CLCN5: variants seen among roughly 807,000 people sequenced by gnomAD.
The protein encoded by CLCN5 is Cl-/H+ antiporter 5.
Under a neutral mutation model 54.0 loss-of-function variants are expected in CLCN5, and 17 were observed. The observed-to-expected ratio is 0.31, with a 90% CI of 0.22 to 0.47. The LOEUF is 0.47. Ranked by LOEUF, CLCN5 falls within the 20% of genes least tolerant of loss-of-function variation. CLCN5 has a pLI of 1.00. For missense variants in CLCN5, 448 were observed against 646.7 expected, an observed-to-expected ratio of 0.69 and a Z score of 3.33; for synonymous variants, 222 against 233.0, an observed-to-expected ratio of 0.95 and a Z score of 0.43.
chrX:50,008,402 C>T (rs782367487), intron 3 of CLCN5: 3 of 326,684 alleles, frequency 9.2e-6, no homozygotes, highest in Non-Finnish European at 2.0e-5. Flanking sequence ...TGAGCCCTCT[C>T]ACTGAACATT....
chrX:49,950,309 A>G (rs1393662754), intron 3 of CLCN5, among the ~76,000 whole-genome samples: 1 of 112,162 alleles, frequency 8.9e-6, no homozygotes, highest in African/African-American at 3.2e-5. Context: ...GAGTAGAACC[A>G]GCATTTGATT....
At chrX:50,025,500 T>A (rs1209582188) in intron 3 of CLCN5, among the ~76,000 whole-genome samples, 3 of 111,033 alleles carry the variant, frequency 2.7e-5, no homozygotes, top group African/African-American at 9.8e-5. Flanking sequence ...TCTTGGCTCC[T>A]CCCCCTACAT....
At chrX:49,997,748 CT>C (rs1253919400) in intron 3 of CLCN5, among the ~76,000 whole-genome samples, 7 of 109,211 alleles carry the variant, frequency 6.4e-5, no homozygotes, top group Non-Finnish European at 1.1e-4. Context: ...GCTCAAACTC[CT>C]GGCTCAAGTG....
chrX:50,005,570 T>G (rs1381245877), intron 3 of CLCN5, among the ~76,000 whole-genome samples: 1 of 111,946 alleles, frequency 8.9e-6, no homozygotes, highest in Non-Finnish European at 1.9e-5. Context: ...TTCACTAGCT[T>G]ACTCTAAAGA....
chrX:49,937,579 C>T (rs182010030), intron 3 of CLCN5, among the ~76,000 whole-genome samples: 2 of 111,597 alleles, frequency 1.8e-5, no homozygotes, highest in East Asian at 2.8e-4. Context: ...TTTGTTAAAG[C>T]GTAATGCTAA....
intron 4 of CLCN5, among the ~76,000 whole-genome samples, chrX:50,063,281 AAGAG>A (rs1398690738): frequency 2.1e-5 from 2 of 95,853 alleles, no homozygotes; most frequent in Non-Finnish European, 4.0e-5. Context: ...TAAAGAAAAA[AAGAG>A]AGAAGAATCA....
chrX:50,008,692 C>T (rs782795369), intron 3 of CLCN5, among the ~76,000 whole-genome samples: 12 of 112,183 alleles, frequency 1.1e-4, no homozygotes, highest in Non-Finnish European at 2.1e-4. Context: ...AATGGAATTC[C>T]TCATCATCCA....
chrX:49,936,003 G>C (rs1490588250), intron 3 of CLCN5, among the ~76,000 whole-genome samples: 3 of 111,259 alleles, frequency 2.7e-5, no homozygotes, highest in East Asian at 2.8e-4. Flanking sequence ...CCAGCACATA[G>C]TATGTGCTCA....
intron 3 of CLCN5, among the ~76,000 whole-genome samples, chrX:49,934,261 T>G (rs1214821093): frequency 8.9e-6 from 1 of 112,058 alleles, no homozygotes; most frequent in Admixed American, 9.5e-5. Flanking sequence ...TCCAGGATGT[T>G]TTTTTTCCCC....
intron 4 of CLCN5, among the ~76,000 whole-genome samples, chrX:50,057,629 A>G (rs1278183233): frequency 1.7e-5 from 1 of 59,691 alleles, no homozygotes; most frequent in Admixed American, 1.8e-4. Flanking sequence ...GATACTATCC[A>G]GGACTCTCCT....
At position 50,081,222 on chromosome X, in the gene CLCN5, AT is replaced by A. The variant is rs373655000; in HGVS notation, c.727-405del. Among the ~76,000 whole-genome samples the A allele has an allele frequency of 4.8e-3, 497 of 103,214 alleles. 3 individuals carry two copies. The highest frequency in any genetic ancestry group is 0.011 in the African/African-American group (320 of 28,735). 89.6% of individuals were successfully genotyped at this position (103,214 alleles called of 115,157 possible). A position where few individuals can be genotyped will look rare whatever the true frequency, so the allele number is the denominator to read the frequency against. On this transcript the variant is annotated intron_variant, in intron 8 of 14. Coordinates refer to ENST00000376091, the MANE Select transcript of CLCN5 (RefSeq NM_001127898.4). ...TTTCCTGACCAGGTAATAAGTCACA[AT>A]TTTTTTTTTTTTTAAGCCAGGGAAT...
intron 3 of CLCN5, among the ~76,000 whole-genome samples, chrX:49,926,390 G>T (rs782295229): frequency 8.9e-6 from 1 of 112,452 alleles, no homozygotes; most frequent in Admixed American, 9.4e-5. Flanking sequence ...TGAATAAGTT[G>T]CAGGATGCTA....
chrX:50,025,267 T>G (rs1320941638), intron 3 of CLCN5, among the ~76,000 whole-genome samples: 1 of 66,096 alleles, frequency 1.5e-5, no homozygotes, highest in Non-Finnish European at 2.8e-5. Context: ...ACCCCTTTCT[T>G]TGACTCGGAA....
At chrX:50,013,444 G>A (rs937441198) in intron 3 of CLCN5, 31 of 251,685 alleles carry the variant, frequency 1.2e-4, no homozygotes, top group Admixed American at 1.2e-3. Context: ...GTCTCTCTCC[G>A]GGACTTCCTA....
intron 3 of CLCN5, among the ~76,000 whole-genome samples, chrX:50,000,558 AT>A (rs782668059): frequency 1.1e-4 from 12 of 110,994 alleles, no homozygotes; most frequent in Non-Finnish European, 1.9e-4. Context: ...GTGGGTCCTT[AT>A]CATTTTCAGT....
At chrX:50,019,103 G>A (rs1930934743) in intron 3 of CLCN5, among the ~76,000 whole-genome samples, 1 of 111,635 alleles carries the variant, frequency 9.0e-6, no homozygotes, top group African/African-American at 3.3e-5. Context: ...TTTATTAGTA[G>A]TTTAGTTTAT....
chrX:49,951,045 A>G (rs1394436474), intron 3 of CLCN5, among the ~76,000 whole-genome samples: 1 of 111,457 alleles, frequency 9.0e-6, no homozygotes, highest in Non-Finnish European at 1.9e-5. Context: ...TACCCTTCCC[A>G]TTCTCTGGTA....
chrX:50,033,674 A>C (rs1557186191), intron 3 of CLCN5, among the ~76,000 whole-genome samples: 1 of 111,768 alleles, frequency 8.9e-6, no homozygotes, highest in African/African-American at 3.3e-5. Flanking sequence ...ACTACTTTAA[A>C]GTTCATATGG....
chrX:50,057,018 T>A (rs1932761011), intron 4 of CLCN5, among the ~76,000 whole-genome samples: 1 of 111,748 alleles, frequency 8.9e-6, no homozygotes, highest in African/African-American at 3.3e-5. Flanking sequence ...CTTCAAGTTT[T>A]AACCTGCTGT....
Sources: allele counts gnomAD v4.1 joint callset (sites outside exome capture counted in the v4.1 genomes callset), GRCh38; gene constraint gnomAD v4.1.1; transcripts MANE v1.5; gene names NCBI Gene and HGNC (gene_info 2026-07-23, HGNC 2026-07-21).